The following PTPRD variants were observed in gnomAD, a reference collection of about 807,000 sequenced individuals.
PTPRD encodes receptor-type tyrosine-protein phosphatase delta.
Under a neutral mutation model 214.5 loss-of-function variants are expected in PTPRD, and 34 were observed. That is an observed-to-expected ratio of 0.16 (90% CI 0.12 to 0.21). PTPRD has a LOEUF of 0.21. PTPRD is among the 10% of genes least tolerant of loss of function. PTPRD has a pLI of 1.00. For missense variants in PTPRD, 2,545 were observed against 2,398.7 expected, an observed-to-expected ratio of 1.06 and a Z score of -1.27; for synonymous variants, 1,128 against 845.7, an observed-to-expected ratio of 1.33 and a Z score of -5.79.
intron 35 of PTPRD, among the ~76,000 whole-genome samples, chr9:8,407,848 C>A (rs61546270): frequency 0.015 from 2,277 of 152,248 alleles, 86 homozygotes; most frequent in African/African-American, 0.052. Context: ...GAACGTTTAA[C>A]AAAACACAAC....
intron 14 of PTPRD, among the ~76,000 whole-genome samples, chr9:8,564,800 G>A (rs968780490): frequency 2.6e-5 from 4 of 152,130 alleles, no homozygotes; most frequent in African/African-American, 9.7e-5. Flanking sequence ...TGCATATGTA[G>A]GTATGGTGGG....
chr9:9,772,851 TCA>T (rs1470739962), intron 5 of PTPRD, among the ~76,000 whole-genome samples: 1 of 152,144 alleles, frequency 6.6e-6, no homozygotes, highest in Non-Finnish European at 1.5e-5. Context: ...TCCCTTTTAC[TCA>T]GTTATTTCAC....
At chr9:10,317,587 G>A (rs1401598988) in intron 3 of PTPRD, among the ~76,000 whole-genome samples, 10 of 151,840 alleles carry the variant, frequency 6.6e-5, no homozygotes, top group Admixed American at 5.9e-4. Context: ...ACTGGAAGGT[G>A]GACCCCATGT....
intron 7 of PTPRD, among the ~76,000 whole-genome samples, chr9:9,660,929 G>C (rs890447086): frequency 3.9e-5 from 6 of 151,968 alleles, no homozygotes; most frequent in African/African-American, 1.2e-4. Context: ...TCACGTTTCA[G>C]CAGTGACTTT....
At chr9:9,948,138 C>T (rs1279162101) in intron 4 of PTPRD, among the ~76,000 whole-genome samples, 1 of 151,944 alleles carries the variant, frequency 6.6e-6, no homozygotes, top group African/African-American at 2.4e-5. Flanking sequence ...TATTTATTTG[C>T]CTTATGGGGT....
chr9:10,271,991 C>T (rs1386244545), intron 3 of PTPRD, among the ~76,000 whole-genome samples: 1 of 151,614 alleles, frequency 6.6e-6, no homozygotes, highest in Non-Finnish European at 1.5e-5. Flanking sequence ...ATCATTCATC[C>T]ATTTAAAATA....
At chr9:9,489,103 A>C (rs2095790192) in intron 8 of PTPRD, among the ~76,000 whole-genome samples, 2 of 152,134 alleles carry the variant, frequency 1.3e-5, no homozygotes, top group African/African-American at 4.8e-5. Flanking sequence ...CCTTATGAAA[A>C]GATTAGGGCA....
chr9:10,354,353 A>G (rs919142102), intron 2 of PTPRD, among the ~76,000 whole-genome samples: 2 of 152,262 alleles, frequency 1.3e-5, no homozygotes, highest in Admixed American at 6.5e-5. Context: ...AGCAAAATAC[A>G]TTTAGGATTT....
chr9:9,345,432 G>A (rs917683331), intron 9 of PTPRD, among the ~76,000 whole-genome samples: 13 of 151,846 alleles, frequency 8.6e-5, no homozygotes, highest in African/African-American at 2.9e-4. Flanking sequence ...GGTTATGGCT[G>A]GGAAGTTACA....
chr9:10,346,456 G>C (rs1208522344), intron 2 of PTPRD, among the ~76,000 whole-genome samples: 1 of 152,012 alleles, frequency 6.6e-6, no homozygotes, highest in Non-Finnish European at 1.5e-5. Context: ...AATTATATAA[G>C]AATATATGAT....
At chr9:9,674,432 GA>G (rs1425710071) in intron 7 of PTPRD, among the ~76,000 whole-genome samples, 3 of 151,370 alleles carry the variant, frequency 2.0e-5, no homozygotes, top group African/African-American at 4.8e-5. Flanking sequence ...AAATGGAAGA[GA>G]AAAAACATAT....
chr9:8,714,618 G>T lies in PTPRD; in HGVS notation c.64+19162C>A, dbSNP rs375999076. 8.5e-4 allele frequency among the ~76,000 whole-genome samples: 129 copies of T among 152,172 alleles called. 1 individual carries two copies. Among genetic ancestry groups the T allele is most frequent in the African/African-American group, 3.0e-3 (123 of 41,504 alleles). On this transcript the variant is annotated intron_variant, in intron 12 of 45. Transcript: ENST00000381196. Reference sequence around the variant, plus strand: ...CCTAGAACCTGCTAGTCAAGGTCCTGCCCTAGGGTCTTTGGACTGGCTGTT... The same window carrying T: ...CCTAGAACCTGCTAGTCAAGGTCCTTCCCTAGGGTCTTTGGACTGGCTGTT...
intron 8 of PTPRD, among the ~76,000 whole-genome samples, chr9:9,447,302 G>A (rs1022348966): frequency 2.6e-5 from 4 of 151,922 alleles, no homozygotes; most frequent in African/African-American, 9.7e-5. Context: ...AAGTAAATGT[G>A]CTATATATGT....
intron 4 of PTPRD, among the ~76,000 whole-genome samples, chr9:10,013,075 G>T (rs1019227743): frequency 6.6e-6 from 1 of 151,886 alleles, no homozygotes; most frequent in South Asian, 2.1e-4. Flanking sequence ...TCAATGATTT[G>T]AACTTCAATT....
intron 2 of PTPRD, among the ~76,000 whole-genome samples, chr9:10,535,534 T>G (rs1299805742): frequency 6.6e-6 from 1 of 152,092 alleles, no homozygotes; most frequent in Non-Finnish European, 1.5e-5. Flanking sequence ...TAATGGGCAT[T>G]GGAAAATGTA....
At chr9:9,136,433 C>A (rs2099851016) in intron 10 of PTPRD, among the ~76,000 whole-genome samples, 1 of 152,184 alleles carries the variant, frequency 6.6e-6, no homozygotes, top group South Asian at 2.1e-4. Flanking sequence ...TTCAAATCAT[C>A]ATCTGAACTC....
chr9:9,553,062 T>A (rs1289563746), intron 8 of PTPRD, among the ~76,000 whole-genome samples: 1 of 152,066 alleles, frequency 6.6e-6, no homozygotes, highest in Non-Finnish European at 1.5e-5. Flanking sequence ...AATTTCTTTT[T>A]TATTAAATAT....
intron 10 of PTPRD, among the ~76,000 whole-genome samples, chr9:9,047,574 A>T (rs1184814643): frequency 6.6e-6 from 1 of 152,148 alleles, no homozygotes; most frequent in Non-Finnish European, 1.5e-5. Context: ...AACAGAATAG[A>T]GAATCCAGAA....
At chr9:8,591,131 T>C (rs2094070261) in intron 14 of PTPRD, among the ~76,000 whole-genome samples, 2 of 152,180 alleles carry the variant, frequency 1.3e-5, no homozygotes, top group Admixed American at 1.3e-4. Flanking sequence ...AAGACCCTTA[T>C]TATTACATTA....
Sources: allele counts gnomAD v4.1 joint callset (sites outside exome capture counted in the v4.1 genomes callset), GRCh38; gene constraint gnomAD v4.1.1; transcripts MANE v1.5; gene names NCBI Gene and HGNC (gene_info 2026-07-23, HGNC 2026-07-21).